KIFAP3: variants seen among roughly 807,000 people sequenced by gnomAD.
The protein encoded by KIFAP3 is kinesin associated protein 3, also known as kinesin-associated protein 3.
In KIFAP3, 68 loss-of-function variants were observed where a neutral mutation model predicts 106.5. The observed-to-expected ratio is 0.64, with a 90% CI of 0.53 to 0.78. The LOEUF (loss-of-function observed/expected upper bound fraction) is 0.78. KIFAP3 is among the 30% of genes least tolerant of loss of function. KIFAP3 has a pLI of 0.00. For missense variants in KIFAP3, 780 were observed against 941.8 expected, an observed-to-expected ratio of 0.83 and a Z score of 2.25; for synonymous variants, 320 against 311.5, an observed-to-expected ratio of 1.03 and a Z score of -0.29.
chr1:169,995,504 C>T (rs1667326763), intron 10 of KIFAP3, among the ~76,000 whole-genome samples: 1 of 152,032 alleles, frequency 6.6e-6, no homozygotes, highest in Admixed American at 6.6e-5. Flanking sequence ...GATATTTTCT[C>T]TAGTAATGGA....
chr1:169,922,017 T>C (rs1284295769), intron 19 of KIFAP3, among the ~76,000 whole-genome samples: 2 of 152,196 alleles, frequency 1.3e-5, no homozygotes, highest in African/African-American at 4.8e-5. Flanking sequence ...TAGGTACTAT[T>C]TGAAACAAAG....
chr1:170,063,217 C>A (rs1671273845), intron 1 of KIFAP3, among the ~76,000 whole-genome samples: 1 of 152,192 alleles, frequency 6.6e-6, no homozygotes. Context: ...CCAGAGGTCA[C>A]AAGATTTGTA....
chr1:169,931,791 A>G lies in KIFAP3; in HGVS notation c.2274-10010T>C, dbSNP rs16862766. 6.4e-3 allele frequency among the ~76,000 whole-genome samples: 973 copies of G among 152,318 alleles called. 13 individuals carry two copies. The highest frequency in any genetic ancestry group is 0.022 in the African/African-American group (900 of 41,568). ...AACTAGAGAATATCATGTAAGTAGC[A>G]ATGTTTTTTCAGCGACAGTTTAACT... is the stretch of plus-strand genomic sequence containing the variant. On this transcript the variant is annotated intron_variant, in intron 19 of 19. Coordinates refer to ENST00000361580, the MANE Select transcript of KIFAP3 (RefSeq NM_014970.4).
At chr1:169,977,271 C>T (rs1666269797) in intron 16 of KIFAP3, among the ~76,000 whole-genome samples, 1 of 152,020 alleles carries the variant, frequency 6.6e-6, no homozygotes, top group Non-Finnish European at 1.5e-5. Flanking sequence ...TTGTTATTCA[C>T]AATGAATACA....
At chr1:170,058,614 G>A (rs770435336) in intron 1 of KIFAP3, among the ~76,000 whole-genome samples, 1 of 152,082 alleles carries the variant, frequency 6.6e-6, no homozygotes, top group Non-Finnish European at 1.5e-5. Context: ...GAAGCTTGAA[G>A]TACAAAATGG....
At chr1:170,038,034 T>C (rs988283726) in intron 5 of KIFAP3, among the ~76,000 whole-genome samples, 17 of 152,206 alleles carry the variant, frequency 1.1e-4, no homozygotes. Flanking sequence ...TTTGATCTTA[T>C]ATCCTACTTG....
intron 19 of KIFAP3, among the ~76,000 whole-genome samples, chr1:169,932,365 T>C (rs547881775): frequency 6.6e-6 from 1 of 152,266 alleles, no homozygotes; most frequent in South Asian, 2.1e-4. Context: ...ATTCAAAAGT[T>C]AATACTAGTA....
intron 19 of KIFAP3, among the ~76,000 whole-genome samples, chr1:169,923,951 G>A (rs1662975214): frequency 6.6e-6 from 1 of 151,070 alleles, no homozygotes; most frequent in Non-Finnish European, 1.5e-5. Context: ...CATTCTCAGA[G>A]TCTGAGGCCA....
chr1:170,067,486 T>C (rs1366794968), intron 1 of KIFAP3: 1 of 152,238 alleles, frequency 6.6e-6, no homozygotes, highest in East Asian at 1.9e-4. Context: ...AGGCGATCAT[T>C]ATGGTCTTTT....
intron 7 of KIFAP3, chr1:170,032,324 A>G (rs1353085500): frequency 6.1e-6 from 1 of 164,138 alleles, no homozygotes; most frequent in Non-Finnish European, 1.3e-5. Flanking sequence ...CTTTCAACAG[A>G]TTATCAAGTG....
At chr1:170,072,028 G>C (rs534994279) in intron 1 of KIFAP3, among the ~76,000 whole-genome samples, 1 of 152,272 alleles carries the variant, frequency 6.6e-6, no homozygotes, top group African/African-American at 2.4e-5. Context: ...TGAAGGCAGG[G>C]AATATATTTA....
intron 19 of KIFAP3, among the ~76,000 whole-genome samples, chr1:169,946,755 A>C (rs193202896): frequency 6.6e-6 from 1 of 152,182 alleles, no homozygotes; most frequent in East Asian, 1.9e-4. Context: ...GATTTAGAGT[A>C]AAAAGGCTTA....
chr1:170,020,962 A>T (rs908847132), intron 9 of KIFAP3, among the ~76,000 whole-genome samples: 1 of 152,176 alleles, frequency 6.6e-6, no homozygotes, highest in Non-Finnish European at 1.5e-5. Context: ...ATGACACCCA[A>T]ATACAGTCCA....
At chr1:170,033,868 C>T (rs1254036593) in intron 7 of KIFAP3, among the ~76,000 whole-genome samples, 1 of 151,814 alleles carries the variant, frequency 6.6e-6, no homozygotes, top group Non-Finnish European at 1.5e-5. Context: ...ACCTAAGTTT[C>T]CTTTCACAGG....
At chr1:169,987,049 CATA>C (rs1433226332) in intron 11 of KIFAP3, among the ~76,000 whole-genome samples, 4 of 151,840 alleles carry the variant, frequency 2.6e-5, no homozygotes, top group African/African-American at 4.8e-5. Flanking sequence ...ATTAGTTTTT[CATA>C]ATAAGAGAGA....
intron 19 of KIFAP3, among the ~76,000 whole-genome samples, chr1:169,944,770 C>A (rs1664338988): frequency 6.6e-6 from 1 of 152,138 alleles, no homozygotes; most frequent in African/African-American, 2.4e-5. Flanking sequence ...TAGCTCCTTA[C>A]AGCAAGCAGG....
In KIFAP3 at chr1:169,982,729, G is replaced by A; in HGVS notation, c.1645C>T (p.Pro549Ser). The A allele has an allele frequency of 6.2e-7, 1 of 1,607,558 alleles. No individual in the cohort carries two copies. The highest frequency in any genetic ancestry group is 8.5e-7 in the Non-Finnish European group (1 of 1,176,626). The stretch of plus-strand genomic sequence containing the variant: ...GGTTTTAGTTTATCCTTGAGGTATG[G>A]AACCAACTTATATTCTTTAAGAACC... ...ELVLKEYKLV[P>S]YLKDKLKPGA... is the part of the protein sequence containing the mutation. Residue 549 changes from proline (P) to serine (S), a missense_variant, in exon 14 of 20, where the codon CCA becomes TCA. This residue lies in a region of KIFAP3 where 588 missense variants were observed against 678.9 expected (regional missense o/e 0.87). Coordinates refer to ENST00000361580, the MANE Select transcript of KIFAP3 (RefSeq NM_014970.4).
At chr1:169,967,744 C>G (rs1011923679) in intron 17 of KIFAP3, among the ~76,000 whole-genome samples, 2 of 151,802 alleles carry the variant, frequency 1.3e-5, no homozygotes, top group African/African-American at 4.8e-5. Context: ...CTGAAAAATA[C>G]TGGTAGGATA....
At chr1:170,064,077 A>T (rs898244835) in intron 1 of KIFAP3, among the ~76,000 whole-genome samples, 3 of 152,114 alleles carry the variant, frequency 2.0e-5, no homozygotes, top group African/African-American at 4.8e-5. Flanking sequence ...TCAATTTGGG[A>T]GTGGGAGGTA....
Sources: allele counts gnomAD v4.1 joint callset (sites outside exome capture counted in the v4.1 genomes callset), GRCh38; gene constraint gnomAD v4.1.1; regional missense constraint gnomAD v4.1.1; transcripts MANE v1.5; gene names NCBI Gene and HGNC (gene_info 2026-07-23, HGNC 2026-07-21).